The following ARHGEF10L variants were observed in gnomAD, a reference collection of about 807,000 sequenced individuals.
ARHGEF10L encodes Rho guanine nucleotide exchange factor 10 like.
ARHGEF10L carries 69 observed loss-of-function variants against 141.2 expected under a neutral mutation model. The ratio of observed to expected loss-of-function variants is 0.49; its 90% CI spans 0.40 to 0.60. The LOEUF is 0.60. Ranked by LOEUF, ARHGEF10L falls within the 20% of genes least tolerant of loss-of-function variation. The pLI is 0.00. For missense variants in ARHGEF10L, 1,482 were observed against 1,734.3 expected (o/e 0.85, Z 2.58); for synonymous variants, 711 against 718.5 (o/e 0.99, Z 0.17).
chr1:17,627,626 C>A lies in ARHGEF10L; in HGVS notation c.1584+123C>A. 1 of 1,234,528 alleles carries A rather than the reference C, an allele frequency of 8.1e-7. No individual in the cohort carries two copies. Among genetic ancestry groups the A allele is most frequent in the Non-Finnish European group, 1.1e-6 (1 of 896,854 alleles). 76.5% of individuals were successfully genotyped at this position (1,234,528 alleles called of 1,614,324 possible). ...GTTCTCTGAGGGAGGGGAGGCCTTG[C>A]TCTTCCAAGGATGTGACCTTGGGGA... is the stretch of plus-strand genomic sequence containing the variant. On this transcript the variant is annotated intron_variant, in intron 15 of 28. Coordinates refer to ENST00000361221, the MANE Select transcript of ARHGEF10L (RefSeq NM_018125.4). This position sits in a 1 kb window ranked among gnomAD's most constrained non-coding sequence, Gnocchi z 4.0.
At chr1:17,614,125 C>T (rs1192548476) in intron 8 of ARHGEF10L, among the ~76,000 whole-genome samples, 1 of 152,230 alleles carries the variant, frequency 6.6e-6, no homozygotes, top group Non-Finnish European at 1.5e-5. Flanking sequence ...GCTGGGATTC[C>T]AACTTGGGTC....
Position 17,656,018 on chromosome 1 carries a change from C to T in ARHGEF10L, c.2621C>T (p.Ala874Val), listed in dbSNP as rs554762519. 1.6e-5 allele frequency: 25 copies of T among 1,572,840 alleles called. No homozygotes were observed. The highest frequency in any genetic ancestry group is 1.2e-4 in the South Asian group (10 of 85,550). The part of the protein sequence containing the change: ...MEYIPELEEE[A>V]ESRDESPTVA... The stretch of plus-strand genomic sequence containing the variant: ...TATATCCCGGAGCTGGAGGAGGAGG[C>T]GGAGAGCAGAGACGAGAGCCCGACA... The change falls in exon 24 of 29, where the codon GCG becomes GTG. Residue 874 changes from alanine to valine, a missense_variant. Around this residue, in one of 3 missense-constraint regions of ARHGEF10L, gnomAD observed 858 missense variants for 966.3 expected, o/e 0.89. Transcript: ENST00000361221. The surrounding 1 kb of genome is among the most constrained non-coding windows in gnomAD (Gnocchi z 4.9).
intron 4 of ARHGEF10L, among the ~76,000 whole-genome samples, chr1:17,592,492 A>T (rs980903395): frequency 1.3e-5 from 2 of 151,996 alleles, no homozygotes; most frequent in Non-Finnish European, 2.9e-5. Flanking sequence ...CTGGGAGAGG[A>T]CAGGGAGACT....
At position 17,632,317 on chromosome 1, in the gene ARHGEF10L, C is replaced by T. The variant is rs990996635; in HGVS notation, c.1585-4C>T. 2 of 1,613,758 alleles carry T rather than the reference C, an allele frequency of 1.2e-6. No individual in the cohort carries two copies. Among genetic ancestry groups the T allele is most frequent in the African/African-American group, 1.3e-5 (1 of 74,940 alleles). On this transcript the variant is annotated splice_polypyrimidine_tract_variant and splice_region_variant and intron_variant, in intron 15 of 28. Coordinates refer to ENST00000361221, the MANE Select transcript of ARHGEF10L (RefSeq NM_018125.4). ...GATGCTGACCTTCCCTGCCCCTCCTCCAGCTGTTGACCTCAGGCCAGCGGC... is the reference window on the plus strand; with the variant it reads ...GATGCTGACCTTCCCTGCCCCTCCTTCAGCTGTTGACCTCAGGCCAGCGGC...
rs1036428223 is a variant in ARHGEF10L at position 17,644,244 on chromosome 1, C to T, written c.2272+3942C>T. 2.6e-5 allele frequency among the ~76,000 whole-genome samples: 4 copies of T among 152,184 alleles called. No individual in the cohort carries two copies. The highest frequency in any genetic ancestry group is 4.4e-5 in the Non-Finnish European group (3 of 68,030). The stretch of plus-strand genomic sequence containing the variant: ...TTGGTTTAGTTTTCCGGCCCATAGT[C>T]GTCACACTGACGCCAATATTCCTTC... On this transcript the variant is annotated intron_variant, in intron 21 of 28. Coordinates refer to ENST00000361221, the MANE Select transcript of ARHGEF10L (RefSeq NM_018125.4). The surrounding 1 kb of genome is among the most constrained non-coding windows in gnomAD (Gnocchi z 4.5).
intron 2 of ARHGEF10L, 23 bp from the exon 3 acceptor site, chr1:17,587,437 G>T: frequency 6.2e-7 from 1 of 1,605,138 alleles, no homozygotes; most frequent in Non-Finnish European, 8.5e-7. Context: ...CCTGCAGCCT[G>T]GCCAACTCCT....
At chr1:17,685,675 C>T (rs946916153) in intron 26 of ARHGEF10L, among the ~76,000 whole-genome samples, 1 of 152,256 alleles carries the variant, frequency 6.6e-6, no homozygotes, top group African/African-American at 2.4e-5. Flanking sequence ...CCAGCACTTA[C>T]ACCCACACCA....
chr1:17,577,669 C>T (rs2078278882), intron 1 of ARHGEF10L, among the ~76,000 whole-genome samples: 1 of 152,218 alleles, frequency 6.6e-6, no homozygotes, highest in Non-Finnish European at 1.5e-5. Context: ...TAGCAAACAC[C>T]TTCCAGATTC....
Position 17,654,147 on chromosome 1 carries a change from A to C in ARHGEF10L, c.2395-489A>C, listed in dbSNP as rs867125852. On this transcript the variant is annotated intron_variant, in intron 22 of 28. Transcript: ENST00000361221. The surrounding 1 kb of genome is among the most constrained non-coding windows in gnomAD (Gnocchi z 4.3). ...AGGCCTCAGAGAGAGGCCACCCAACATGGGGTCTGTGGCAGCTGATTCAGG... is the reference window on the plus strand; with the variant it reads ...AGGCCTCAGAGAGAGGCCACCCAACCTGGGGTCTGTGGCAGCTGATTCAGG... 6.6e-6 allele frequency among the ~76,000 whole-genome samples: 1 copy of C among 152,112 alleles called. No homozygotes were observed. The highest frequency in any genetic ancestry group is 2.4e-5 in the African/African-American group (1 of 41,438).
chr1:17,675,487 G>C (rs1396928763), intron 26 of ARHGEF10L, among the ~76,000 whole-genome samples: 1 of 151,244 alleles, frequency 6.6e-6, no homozygotes, highest in East Asian at 2.0e-4. Flanking sequence ...GTGTGCAGGT[G>C]TGTGTGTATA....
At chr1:17,524,867 T>A in the ARHGEF10L span, among the ~76,000 whole-genome samples, 1 of 152,184 alleles carries the variant, frequency 6.6e-6, no homozygotes, top group Admixed American at 6.5e-5. Flanking sequence ...AGGTGGCCAG[T>A]CTTATAGGAA....
intron 27 of ARHGEF10L, among the ~76,000 whole-genome samples, chr1:17,693,564 A>C (rs1346788176): frequency 1.3e-5 from 2 of 152,200 alleles, no homozygotes; most frequent in East Asian, 3.9e-4. Context: ...AGGTGATGGA[A>C]GCACTGGGCA....
At chr1:17,552,308 T>C (rs956718169) in intron 1 of ARHGEF10L, among the ~76,000 whole-genome samples, 14 of 152,174 alleles carry the variant, frequency 9.2e-5, no homozygotes, top group Non-Finnish European at 1.6e-4. Flanking sequence ...GTAGAGATAA[T>C]ATGAAATGTG....
At chr1:17,635,373 A>G (rs927926400) in intron 18 of ARHGEF10L, among the ~76,000 whole-genome samples, 1 of 151,976 alleles carries the variant, frequency 6.6e-6, no homozygotes, top group Non-Finnish European at 1.5e-5. Flanking sequence ...GATTCTTCCA[A>G]ATGCAGGTCA....
At chr1:17,622,943 T>A (rs1429254462) in intron 11 of ARHGEF10L, 53 bp from the exon 12 acceptor site, 9 of 1,564,304 alleles carry the variant, frequency 5.8e-6, no homozygotes, top group Non-Finnish European at 7.8e-6. Flanking sequence ...TGAGGGCAGG[T>A]AGGGAGAGAG....
At position 17,656,784 on chromosome 1, in the gene ARHGEF10L, G is replaced by A. The variant is rs1401549412; in HGVS notation, c.2860+76G>A. 4 of 1,505,282 alleles carry A rather than the reference G, an allele frequency of 2.7e-6. No homozygotes were observed. The highest frequency in any genetic ancestry group is 1.4e-5 in the African/African-American group (1 of 72,478). 93.2% of individuals were successfully genotyped at this position (1,505,282 alleles called of 1,614,324 possible). On this transcript the variant is annotated intron_variant, in intron 25 of 28. Transcript: ENST00000361221. The surrounding 1 kb of genome is among the most constrained non-coding windows in gnomAD (Gnocchi z 4.9). The stretch of plus-strand genomic sequence containing the variant: ...GGTGCCAGATTCTCTACCAAGAGAG[G>A]ATACAGGAGGCTGGGCAGGAATGAA...
chr1:17,571,529 C>T (rs1413119730), intron 1 of ARHGEF10L, among the ~76,000 whole-genome samples: 2 of 151,930 alleles, frequency 1.3e-5, no homozygotes, highest in African/African-American at 4.8e-5. Flanking sequence ...CGTATTTATT[C>T]ATTTATTTAT....
chr1:17,627,422 C>A lies in ARHGEF10L; in HGVS notation c.1503C>A (p.Asn501Lys), dbSNP rs144042848. The change falls in exon 15 of 29, where the codon AAC becomes AAA. Residue 501 changes from asparagine (N) to lysine (K), a missense_variant. This residue lies in a region of ARHGEF10L where 392 missense variants were observed against 542.1 expected (regional missense o/e 0.72). Transcript: ENST00000361221. This position sits in a 1 kb window ranked among gnomAD's most constrained non-coding sequence, Gnocchi z 4.0. ...TELETLAEKL[N>K]EQKRLADQVA... is the part of the protein sequence containing the mutation. Reference sequence around the variant, plus strand: ...TGGAGACGCTGGCTGAGAAGCTGAACGAGCAGAAGCGGCTGGCTGACCAGG... The same window carrying A: ...TGGAGACGCTGGCTGAGAAGCTGAAAGAGCAGAAGCGGCTGGCTGACCAGG... The A allele has an allele frequency of 6.2e-7, 1 of 1,613,884 alleles. No homozygotes were observed. Among genetic ancestry groups the A allele is most frequent in the Non-Finnish European group, 8.5e-7 (1 of 1,180,044 alleles).
rs2077408406 is a variant in ARHGEF10L, at chr1:17,558,101, T to G, written c.-44+18151T>G. 6.6e-6 allele frequency among the ~76,000 whole-genome samples: 1 copy of G among 151,998 alleles called. No individual in the cohort carries two copies. Among genetic ancestry groups the G allele is most frequent in the Non-Finnish European group, 1.5e-5 (1 of 68,004 alleles). ...GTCCATCTGTCCATCTGTCTACCCG[T>G]TTGTCCATTGTCCATCCATCCATCC... On this transcript the variant is annotated intron_variant, in intron 1 of 28. Coordinates refer to ENST00000361221, the MANE Select transcript of ARHGEF10L (RefSeq NM_018125.4). The surrounding 1 kb of genome is among the most constrained non-coding windows in gnomAD (Gnocchi z 4.2).
Sources: gnomAD v4.1 joint callset for allele counts (sites outside exome capture counted in the v4.1 genomes callset) on GRCh38, gnomAD v4.1.1 for gene constraint, gnomAD v4.1.1 regional missense constraint, Gnocchi (gnomAD v3.1) non-coding constraint, MANE v1.5 for transcripts, NCBI Gene and HGNC (gene_info 2026-07-23, HGNC 2026-07-21) for gene names.